Variants in SLC3A2 observed in about 807,000 individuals in gnomAD.
SLC3A2 encodes solute carrier family 3 member 2, also known as amino acid transporter heavy chain SLC3A2.
Under a neutral mutation model 48.5 loss-of-function variants are expected in SLC3A2, and 32 were observed. The observed-to-expected ratio is 0.66, with a 90% CI of 0.50 to 0.89. The LOEUF (loss-of-function observed/expected upper bound fraction) is 0.89. Ranked by LOEUF, SLC3A2 falls within the 40% of genes least tolerant of loss-of-function variation. The pLI, the probability that SLC3A2 is intolerant of heterozygous loss-of-function variation, is 0.00. For synonymous variants in SLC3A2, 277 were observed against 288.8 expected (o/e 0.96, Z 0.41); for missense variants, 587 against 680.7 (o/e 0.86, Z 1.53).
chr11:62,876,794 GT>G, upstream of SLC3A2: 1 of 447,718 alleles, frequency 2.2e-6, no homozygotes, highest in Non-Finnish European at 3.5e-6. Context: ...TAGAAACGGG[GT>G]TTCACCATGT....
At position 62,881,573 on chromosome 11, in the gene SLC3A2, C is replaced by G; in HGVS notation, c.424+126C>G. 3 of 1,291,418 alleles carry G rather than the reference C, an allele frequency of 2.3e-6. No individual in the cohort carries two copies. The highest frequency in any genetic ancestry group is 3.1e-6 in the Non-Finnish European group (3 of 967,036). 80.0% of individuals were successfully genotyped at this position (1,291,418 alleles called of 1,614,324 possible). ...TCCATCCCGTACCGACGACTGTTCC[C>G]CCTTCCCCCACCCCCTCCCCGGCAC... On this transcript the variant is annotated intron_variant, in intron 1 of 8. Transcript: ENST00000338663. The surrounding 1 kb of genome is among the most constrained non-coding windows in gnomAD (Gnocchi z 4.0).
chr11:62,857,316 G>A (rs1474185707), intron 1 of SLC3A2, among the ~76,000 whole-genome samples: 2 of 151,794 alleles, frequency 1.3e-5, no homozygotes, highest in Non-Finnish European at 2.9e-5. Context: ...GGAGAGACGG[G>A]GTTTCATCAT....
In SLC3A2 at chr11:62,885,157, C is replaced by T. The variant is rs1394983933; in HGVS notation, c.819-20C>T. The T allele has an allele frequency of 1.9e-6, 3 of 1,612,112 alleles. No homozygotes were observed. The highest frequency in any genetic ancestry group is 1.7e-4 in the Middle Eastern group (1 of 5,744). The stretch of plus-strand genomic sequence containing the variant: ...CATTCTTTCTTGTGCTAACCTTGAA[C>T]TCCTCCCTCCCCTCTGCAGGCTCTT... On this transcript the variant is annotated intron_variant, in intron 5 of 8. Coordinates refer to ENST00000338663, the MANE Select transcript of SLC3A2 (RefSeq NM_001013251.3).
chr11:62,880,492 G>T (rs1234151997), upstream of SLC3A2: 3 of 153,102 alleles, frequency 2.0e-5, no homozygotes, highest in Non-Finnish European at 4.4e-5. Flanking sequence ...GCCATGCAAA[G>T]TTGGGAAAAC....
chr11:62,880,942 C>T lies in SLC3A2; in HGVS notation c.-82C>T. 2 of 1,480,704 alleles carry T rather than the reference C, an allele frequency of 1.4e-6. No individual in the cohort carries two copies. Among genetic ancestry groups the T allele is most frequent in the Non-Finnish European group, 1.8e-6 (2 of 1,116,728 alleles). The allele number at this position is 1,480,704 out of a possible 1,614,324, so 91.7% of individuals were successfully genotyped here. ...GCGGAGGCACAGAGGCCGGGGAGAG[C>T]GTTCTGGGTCCGAGGGTCCAGGTAG... On this transcript the variant is annotated 5_prime_UTR_variant, in exon 1 of 9. Transcript: ENST00000338663.
At position 62,882,530 on chromosome 11, in the gene SLC3A2, G is replaced by C. The variant is rs2085656245; in HGVS notation, c.599-378G>C. On this transcript the variant is annotated intron_variant, in intron 2 of 8. Coordinates refer to ENST00000338663, the MANE Select transcript of SLC3A2 (RefSeq NM_001013251.3). The stretch of plus-strand genomic sequence containing the variant: ...ATGGAGTCTCACTCTTGTCACCCAG[G>C]CTGCAGTGCAGTGGAACGATCTCAG... 5 of 238,524 alleles carry C rather than the reference G, an allele frequency of 2.1e-5. No homozygotes were observed. In the South Asian group the frequency reaches 2.6e-4, roughly 13 times the overall value. The allele number at this position is 238,524 out of a possible 1,614,324, so 14.8% of individuals were successfully genotyped here.
chr11:62,857,118 C>T (rs1449906331), intron 1 of SLC3A2, among the ~76,000 whole-genome samples: 2 of 150,908 alleles, frequency 1.3e-5, no homozygotes, highest in Non-Finnish European at 2.9e-5. Context: ...CCACCGCGCC[C>T]GGCCAAACAT....
intron 1 of SLC3A2, among the ~76,000 whole-genome samples, chr11:62,860,189 C>G (rs1423956792): frequency 2.0e-5 from 3 of 152,120 alleles, no homozygotes; most frequent in Non-Finnish European, 4.4e-5. Flanking sequence ...TGACTTTACA[C>G]AAACATCTCA....
upstream of SLC3A2, among the ~76,000 whole-genome samples, chr11:62,880,085 A>C (rs757405636): frequency 6.6e-6 from 1 of 152,142 alleles, no homozygotes; most frequent in Non-Finnish European, 1.5e-5. Context: ...TATGTTCATT[A>C]CAGCCCTATC....
Position 62,881,261 on chromosome 11 carries a change from A to C in SLC3A2, c.238A>C (p.Thr80Pro). The change falls in exon 1 of 9, where the codon ACC (threonine) becomes CCC (proline). Residue 80 changes from threonine to proline, a missense_variant. Coordinates refer to ENST00000338663, the MANE Select transcript of SLC3A2 (RefSeq NM_001013251.3). The surrounding 1 kb of genome is among the most constrained non-coding windows in gnomAD (Gnocchi z 4.0). ...KVAGSPGWVRTRWALLLLFWL... is the reference protein window; with the variant it reads ...KVAGSPGWVRPRWALLLLFWL... ...GGCAGGCAGCCCCGGCTGGGTACGC[A>C]CCCGCTGGGCACTGCTGCTGCTCTT... The C allele has an allele frequency of 6.3e-7, 1 of 1,585,628 alleles. No homozygotes were observed. The highest frequency in any genetic ancestry group is 1.1e-5 in the South Asian group (1 of 87,298).
chr11:62,881,610 C>A lies in SLC3A2; in HGVS notation c.424+163C>A. On this transcript the variant is annotated intron_variant, in intron 1 of 8. Coordinates refer to ENST00000338663, the MANE Select transcript of SLC3A2 (RefSeq NM_001013251.3). This position sits in a 1 kb window ranked among gnomAD's most constrained non-coding sequence, Gnocchi z 4.0. ...CCCCTCCCCGGCACATTGTCCTTCC[C>A]TCCTTTCTTTGAAGAAAGCCGACCC... The A allele has an allele frequency of 9.0e-7, 1 of 1,113,030 alleles. No homozygotes were observed. Among genetic ancestry groups the A allele is most frequent in the Non-Finnish European group, 1.2e-6 (1 of 806,368 alleles). 68.9% of individuals were successfully genotyped at this position (1,113,030 alleles called of 1,614,324 possible). A position where few individuals can be genotyped will look rare whatever the true frequency, so the allele number is the denominator to read the frequency against.
Position 62,860,219 on chromosome 11 carries a change from T to C in SLC3A2, c.112+3838T>C, listed in dbSNP as rs141418905. Among the ~76,000 whole-genome samples the C allele has an allele frequency of 2.0e-5, 3 of 151,950 alleles. No individual in the cohort carries two copies. The East Asian group carries it at 5.9e-4, about 30-fold the overall frequency. On this transcript the variant is annotated intron_variant, in intron 1 of 9. Coordinates refer to the SLC3A2 transcript ENST00000377889. The stretch of plus-strand genomic sequence containing the variant: ...ATCTCAGCGCAGTAAAGAGCAGTAT[T>C]GGCCGGGCGCGGTGGCTCACGCCTG...
chr11:62,887,110 C>T (rs987447083), intron 7 of SLC3A2, among the ~76,000 whole-genome samples: 5 of 152,132 alleles, frequency 3.3e-5, no homozygotes, highest in African/African-American at 9.7e-5. Flanking sequence ...CTGTCTGTTA[C>T]ACTGAGGATA....
chr11:62,875,865 C>G (rs369588670), intron 1 of SLC3A2, among the ~76,000 whole-genome samples: 288 of 152,284 alleles, frequency 1.9e-3, no homozygotes, highest in African/African-American at 6.2e-3. Context: ...CTGCGCCCAG[C>G]CTGTTTGTTT....
intron 1 of SLC3A2, among the ~76,000 whole-genome samples, chr11:62,868,182 A>G (rs1262459889): frequency 6.6e-6 from 1 of 151,970 alleles, no homozygotes; most frequent in African/African-American, 2.4e-5. Context: ...TTGGCCTCCC[A>G]AAGTGCTAGG....
intron 1 of SLC3A2, among the ~76,000 whole-genome samples, chr11:62,865,561 CAAAAA>C (rs35320203): frequency 6.9e-5 from 6 of 86,910 alleles, no homozygotes; most frequent in African/African-American, 2.1e-4. Flanking sequence ...GTCTCCCCCA[CAAAAA>C]AAAAAAAAAA....
chr11:62,876,129 C>T (rs541953771), upstream of SLC3A2, among the ~76,000 whole-genome samples: 1 of 152,286 alleles, frequency 6.6e-6, no homozygotes, highest in Admixed American at 6.5e-5. Flanking sequence ...CTTCCCAGAG[C>T]GCTGGGATTA....
intron 1 of SLC3A2, among the ~76,000 whole-genome samples, chr11:62,859,540 G>A (rs922717347): frequency 6.6e-6 from 1 of 152,072 alleles, no homozygotes; most frequent in Non-Finnish European, 1.5e-5. Context: ...AAATAAGCCG[G>A]GCGTGGTGTG....
chr11:62,873,599 G>A (rs1424466557), intron 1 of SLC3A2, among the ~76,000 whole-genome samples: 1 of 151,988 alleles, frequency 6.6e-6, no homozygotes, highest in Non-Finnish European at 1.5e-5. Flanking sequence ...AGTGCTGGGA[G>A]TACTAGGTGT....
Sources: allele counts gnomAD v4.1 joint callset (sites outside exome capture counted in the v4.1 genomes callset), GRCh38; gene constraint gnomAD v4.1.1; non-coding constraint Gnocchi (gnomAD v3.1); transcripts MANE v1.5; gene names NCBI Gene and HGNC (gene_info 2026-07-23, HGNC 2026-07-21).